NBEAL1: variants seen among roughly 807,000 people sequenced by gnomAD.
NBEAL1 encodes neurobeachin-like protein 1.
In NBEAL1, 273 loss-of-function variants were observed where a neutral mutation model predicts 351.3. The ratio of observed to expected loss-of-function variants is 0.78; its 90% CI spans 0.70 to 0.86. The LOEUF (loss-of-function observed/expected upper bound fraction) is 0.86, where lower values mean the gene tolerates loss of function less well. NBEAL1 is among the 40% of genes least tolerant of loss of function. NBEAL1 has a pLI of 0.00. For missense variants in NBEAL1, 2,961 were observed against 3,201.3 expected (o/e 0.92, Z 1.81); for synonymous variants, 1,050 against 1,086.4 (o/e 0.97, Z 0.66).
chr2:203,040,330 A>T, intron 2 of NBEAL1: 1 of 727,454 alleles, frequency 1.4e-6, no homozygotes, highest in South Asian at 1.5e-5. Flanking sequence ...ACTAGAAATG[A>T]GACCTCATGC....
At chr2:203,084,209 A>T (rs543367375) in intron 9 of NBEAL1, among the ~76,000 whole-genome samples, 1 of 152,274 alleles carries the variant, frequency 6.6e-6, no homozygotes, top group Non-Finnish European at 1.5e-5. Context: ...TTAGAGCTAA[A>T]CTAGGAAATT....
intron 17 of NBEAL1, among the ~76,000 whole-genome samples, chr2:203,114,745 G>GT (rs11411984): frequency 0.015 from 2,284 of 150,522 alleles, 29 homozygotes; most frequent in Non-Finnish European, 0.024. Flanking sequence ...TCTTTTCTTT[G>GT]TTTTTTTTTG....
chr2:203,138,343 T>C lies in NBEAL1; in HGVS notation c.4719+28T>C, dbSNP rs757263628. ...GCAGTAATATCTCTTTAAAATTATATTTTGGGTAGTTAAGAACTTTATTCA... is the reference window on the plus strand; with the variant it reads ...GCAGTAATATCTCTTTAAAATTATACTTTGGGTAGTTAAGAACTTTATTCA... On this transcript the variant is annotated intron_variant, in intron 30 of 55. Coordinates refer to ENST00000683969, the MANE Select transcript of NBEAL1 (RefSeq NM_001378026.1). 1.1e-5 allele frequency: 18 copies of C among 1,585,332 alleles called. No homozygotes were observed. The African/African-American group carries it at 2.5e-4, about 22-fold the overall frequency.
At chr2:203,034,885 AAAATAT>A (rs1214658225) in intron 2 of NBEAL1, among the ~76,000 whole-genome samples, 1 of 149,394 alleles carries the variant, frequency 6.7e-6, no homozygotes, top group East Asian at 1.9e-4. Flanking sequence ...AGGATATTAG[AAAATAT>A]AAATATAACT....
At position 203,211,079 on chromosome 2, in the gene NBEAL1, G is replaced by C. The variant is rs1195844032; in HGVS notation, c.7907G>C (p.Gly2636Ala). 2 of 1,603,650 alleles carry C rather than the reference G, an allele frequency of 1.2e-6. No homozygotes were observed. The highest frequency in any genetic ancestry group is 1.7e-6 in the Non-Finnish European group (2 of 1,174,966). ...GEHIVTGSIQ[G>A]FLSIRDLHSL... ...CACATTGTCACAGGCAGCATACAAGGATTCCTGTCTATAAGAGATCTCCAC... is the reference window on the plus strand; with the variant it reads ...CACATTGTCACAGGCAGCATACAAGCATTCCTGTCTATAAGAGATCTCCAC... Residue 2636 changes from glycine to alanine, a missense_variant, in exon 54 of 56, where the codon GGA becomes GCA. Physicochemically the swap from Gly to Ala is moderately conservative, Grantham distance 60 (BLOSUM62 0). Transcript: ENST00000683969.
chr2:203,064,889 T>C (rs1362463457), intron 6 of NBEAL1, among the ~76,000 whole-genome samples: 1 of 152,212 alleles, frequency 6.6e-6, no homozygotes, highest in Non-Finnish European at 1.5e-5. Context: ...TGTGGTATTA[T>C]ATAAAACTAT....
chr2:203,190,532 T>A, intron 46 of NBEAL1, 143 bp downstream of exon 46: 1 of 740,960 alleles, frequency 1.3e-6, no homozygotes, highest in Non-Finnish European at 2.2e-6. Context: ...GAAAGTCTTA[T>A]ATTATTTCCA....
chr2:203,055,847 A>G (rs2106090369), intron 4 of NBEAL1, among the ~76,000 whole-genome samples: 1 of 152,376 alleles, frequency 6.6e-6, no homozygotes, highest in African/African-American at 2.4e-5. Context: ...CTAAGCACTT[A>G]TGAACCCACT....
Position 203,221,385 on chromosome 2 carries a change from A to G in NBEAL1, c.*4031A>G, listed in dbSNP as rs2065952103. ...AAATATAAATATTATATTATTAAAT[A>G]ATATATGTAATATGGGTGTCTGTTG... On this transcript the variant is annotated 3_prime_UTR_variant, in exon 56 of 56. Coordinates refer to ENST00000683969, the MANE Select transcript of NBEAL1 (RefSeq NM_001378026.1). 6.6e-6 allele frequency among the ~76,000 whole-genome samples: 1 copy of G among 151,214 alleles called. No homozygotes were observed. Among genetic ancestry groups the G allele is most frequent in the Non-Finnish European group, 1.5e-5 (1 of 67,818 alleles).
chr2:203,187,321 G>A (rs2064927288), intron 44 of NBEAL1, among the ~76,000 whole-genome samples: 1 of 148,654 alleles, frequency 6.7e-6, no homozygotes, highest in East Asian at 2.0e-4. Context: ...GCCTCCCAAA[G>A]TGCTGGGGTA....
chr2:203,043,477 A>T (rs933244242), intron 3 of NBEAL1, among the ~76,000 whole-genome samples: 9 of 152,172 alleles, frequency 5.9e-5, no homozygotes, highest in Non-Finnish European at 8.8e-5. Context: ...GCAGTGGCTC[A>T]CATCTGTAGT....
At chr2:203,090,952 G>C (rs2062052537) in intron 10 of NBEAL1, among the ~76,000 whole-genome samples, 1 of 151,274 alleles carries the variant, frequency 6.6e-6, no homozygotes, top group Non-Finnish European at 1.5e-5. Context: ...GGAAGGGAAG[G>C]GAGAAAGGAA....
chr2:203,195,288 T>C (rs901078396), intron 47 of NBEAL1, among the ~76,000 whole-genome samples: 2 of 152,214 alleles, frequency 1.3e-5, no homozygotes, highest in African/African-American at 4.8e-5. Flanking sequence ...AACAGTTTTA[T>C]GGGGTACACC....
At chr2:203,045,379 CCT>C (rs1257615953) in intron 3 of NBEAL1, among the ~76,000 whole-genome samples, 1 of 151,968 alleles carries the variant, frequency 6.6e-6, no homozygotes, top group African/African-American at 2.4e-5. Context: ...TTTTAGATTA[CCT>C]CTTTTTAGCC....
Position 203,220,459 on chromosome 2 carries a change from G to C in NBEAL1, c.*3105G>C, listed in dbSNP as rs760407091. Among the ~76,000 whole-genome samples the C allele has an allele frequency of 1.5e-4, 23 of 151,946 alleles. No individual in the cohort carries two copies. Among genetic ancestry groups the C allele is most frequent in the Non-Finnish European group, 3.4e-4 (23 of 67,996 alleles). On this transcript the variant is annotated 3_prime_UTR_variant, in exon 56 of 56. Coordinates refer to ENST00000683969, the MANE Select transcript of NBEAL1 (RefSeq NM_001378026.1). The stretch of plus-strand genomic sequence containing the variant: ...AAATCGCACCACTGCACTCCAGCCT[G>C]GGCAACAGGGCAAGACTCCATCTCA...
At chr2:203,214,851 A>T (rs2065871727) in intron 55 of NBEAL1, among the ~76,000 whole-genome samples, 1 of 152,248 alleles carries the variant, frequency 6.6e-6, no homozygotes, top group Non-Finnish European at 1.5e-5. Flanking sequence ...TTTATCTAAA[A>T]CATCAAAATC....
chr2:203,065,715 GC>G (rs2061572637), intron 6 of NBEAL1, among the ~76,000 whole-genome samples: 1 of 151,814 alleles, frequency 6.6e-6, no homozygotes, highest in Non-Finnish European at 1.5e-5. Flanking sequence ...TTGCGCCACT[GC>G]ACTCCAGCCT....
intron 2 of NBEAL1, chr2:203,040,438 C>T (rs1036931181): frequency 1.4e-5 from 10 of 719,272 alleles, no homozygotes; most frequent in South Asian, 4.1e-5. Context: ...TGTAAGACTT[C>T]GCCTGAAGAA....
intron 43 of NBEAL1, chr2:203,182,673 G>T (rs1456400834): frequency 6.6e-6 from 1 of 152,096 alleles, no homozygotes; most frequent in Non-Finnish European, 1.5e-5. Flanking sequence ...GTATTTTAAG[G>T]CAGCATACTG....
Sources: gnomAD v4.1 joint callset for allele counts (sites outside exome capture counted in the v4.1 genomes callset) on GRCh38, gnomAD v4.1.1 for gene constraint, MANE v1.5 for transcripts, NCBI Gene and HGNC (gene_info 2026-07-23, HGNC 2026-07-21) for gene names.